Variants in UGT3A1 observed in about 807,000 individuals in gnomAD.
UGT3A1 encodes UDP glycosyltransferase family 3 member A1.
A neutral mutation model predicts 37.6 loss-of-function variants in UGT3A1; 40 were observed. The observed-to-expected ratio is 1.06, with a 90% confidence interval of 0.83 to 1.38. The LOEUF is 1.38. Ranked by LOEUF, UGT3A1 falls within the 40% of genes most tolerant of loss-of-function variation. UGT3A1 has a pLI of 0.00. For missense variants in UGT3A1, 642 were observed against 634.2 expected, an observed-to-expected ratio of 1.01 and a Z score of -0.13; for synonymous variants, 256 against 232.3, an observed-to-expected ratio of 1.10 and a Z score of -0.93.
chr5:35,959,695 C>A (rs1170537075), intron 4 of UGT3A1, among the ~76,000 whole-genome samples: 2 of 151,752 alleles, frequency 1.3e-5, no homozygotes, highest in East Asian at 3.9e-4. Context: ...TCATGTGGAT[C>A]AATATGTGCA....
rs191200641 is a variant in UGT3A1 at position 35,982,358 on chromosome 5, G to A, written c.196+6092C>T. The stretch of plus-strand genomic sequence containing the variant: ...AGGGGCTATACCTTGCAGAGCCACA[G>A]GGGCAGAGCTACCCAAGGCCTTGCA... On this transcript the variant is annotated intron_variant, in intron 2 of 6. Coordinates refer to ENST00000274278, the MANE Select transcript of UGT3A1 (RefSeq NM_152404.4). 2.2e-3 allele frequency among the ~76,000 whole-genome samples: 332 copies of A among 152,354 alleles called. 5 individuals are homozygous for A. The highest frequency in any genetic ancestry group is 0.017 in the Admixed American group (262 of 15,304).
At chr5:35,987,080 C>T (rs938308542) in intron 2 of UGT3A1, among the ~76,000 whole-genome samples, 2 of 152,102 alleles carry the variant, frequency 1.3e-5, no homozygotes, top group East Asian at 1.9e-4. Flanking sequence ...AAATACTGCG[C>T]GTGAGCACAA....
At chr5:35,955,990 T>G (rs1174338479) in intron 5 of UGT3A1, 126 bp from the exon 6 acceptor site, 1 of 987,704 alleles carries the variant, frequency 1.0e-6, no homozygotes, top group Admixed American at 2.3e-5. Context: ...ATTCACTGAT[T>G]TTGCTTGGGA....
At chr5:35,999,584 A>T (rs1741174983) in intron 1 of UGT3A1, among the ~76,000 whole-genome samples, 1 of 152,264 alleles carries the variant, frequency 6.6e-6, no homozygotes, top group Admixed American at 6.5e-5. Flanking sequence ...ATGGCATATC[A>T]GGTGCCCTTA....
At chr5:35,965,268 G>GTGCCTCCT (rs1739751513) in intron 4 of UGT3A1, 118 bp downstream of exon 4, 2 of 1,453,834 alleles carry the variant, frequency 1.4e-6, no homozygotes, top group African/African-American at 1.4e-5. Context: ...CGTGCCCTAG[G>GTGCCTCCT]TGCCTCCTTT....
upstream of UGT3A1, among the ~76,000 whole-genome samples, chr5:35,994,391 A>G (rs527694870): frequency 5.9e-5 from 8 of 135,476 alleles, no homozygotes; most frequent in Middle Eastern, 0.013. Flanking sequence ...TCTTTCCCCT[A>G]TCAGGTTTGA....
intron 2 of UGT3A1, among the ~76,000 whole-genome samples, chr5:35,972,518 T>G (rs1438307180): frequency 6.6e-6 from 1 of 151,660 alleles, no homozygotes; most frequent in East Asian, 1.9e-4. Flanking sequence ...TGTGTGTGTG[T>G]GTGTGTGTGT....
At position 35,998,996 on chromosome 5, in the gene UGT3A1, G is replaced by A. The variant is rs553537832; in HGVS notation, c.-159-1667C>T. On this transcript the variant is annotated intron_variant, in intron 1 of 5. Transcript: ENST00000625798. ...TCACGCCTGTAATCCCAGCACTTTCGGAGGCCAAGGTAGGCAGATCAGGAG... is the reference window on the plus strand; with the variant it reads ...TCACGCCTGTAATCCCAGCACTTTCAGAGGCCAAGGTAGGCAGATCAGGAG... Among the ~76,000 whole-genome samples, 10 of 152,132 alleles carry A rather than the reference G, an allele frequency of 6.6e-5. No homozygotes were observed. In the South Asian group the frequency reaches 1.2e-3, roughly 19 times the overall value.
intron 2 of UGT3A1, among the ~76,000 whole-genome samples, chr5:35,982,574 C>CT (rs1282558926): frequency 2.0e-5 from 3 of 152,208 alleles, no homozygotes; most frequent in African/African-American, 7.2e-5. Context: ...CTCATGGTAT[C>CT]TTGGAAGTAA....
At chr5:35,995,852 G>T (rs115077790), upstream of UGT3A1, among the ~76,000 whole-genome samples, 1,187 of 152,266 alleles carry the variant, frequency 7.8e-3, 15 homozygotes, top group African/African-American at 0.027. Flanking sequence ...ATTGCAGGAT[G>T]TCAGTTGATT....
chr5:35,965,703 C>T lies in UGT3A1; in HGVS notation c.526G>A (p.Gly176Arg). 1 of 1,614,118 alleles carries T rather than the reference C, an allele frequency of 6.2e-7. No homozygotes were observed. Among genetic ancestry groups the T allele is most frequent in the Non-Finnish European group, 8.5e-7 (1 of 1,180,006 alleles). Residue 176 changes from glycine to arginine, a missense_variant, in exon 4 of 7, where the codon GGG (glycine) becomes AGG (arginine). Physicochemically the swap from Gly to Arg is moderately radical, Grantham distance 125. Coordinates refer to ENST00000274278, the MANE Select transcript of UGT3A1 (RefSeq NM_152404.4). ...LPTTFGSLDF[G>R]LPSPLSYVPV... ...ACATAAGACAAGGGGCTTGGTAGCC[C>T]AAAATCCAAAGAGCCGAATGTGGTG...
Position 35,955,632 on chromosome 5 carries a change from G to A in UGT3A1, c.1295+13C>T, listed in dbSNP as rs1344772534. ...TTCAGCCTTAGTGACCACATGCTTA[G>A]AGAGCCACATACCTCTTGTCTTCTA... On this transcript the variant is annotated intron_variant, in intron 6 of 6. Coordinates refer to ENST00000274278, the MANE Select transcript of UGT3A1 (RefSeq NM_152404.4). The A allele has an allele frequency of 6.2e-7, 1 of 1,614,054 alleles. No individual in the cohort carries two copies. Among genetic ancestry groups the A allele is most frequent in the Admixed American group, 1.7e-5 (1 of 60,026 alleles).
chr5:35,995,590 G>A (rs556553043), upstream of UGT3A1, among the ~76,000 whole-genome samples: 1 of 152,238 alleles, frequency 6.6e-6, no homozygotes, highest in African/African-American at 2.4e-5. Flanking sequence ...TAAAGCTAAG[G>A]AATGGCTGGA....
chr5:35,987,001 G>C (rs947965925), intron 2 of UGT3A1, among the ~76,000 whole-genome samples: 3 of 152,012 alleles, frequency 2.0e-5, no homozygotes, highest in Non-Finnish European at 4.4e-5. Context: ...AAAAGAGTCA[G>C]AACCTCAAAT....
chr5:35,991,348 G>C lies in UGT3A1; in HGVS notation c.-108C>G. The stretch of plus-strand genomic sequence containing the variant: ...TCCAAAGGCACTGGCTGTGGGCCTA[G>C]GAAGAGGTAGGAGACGGATCCTGCC... On this transcript the variant is annotated 5_prime_UTR_variant, in exon 1 of 7. Coordinates refer to ENST00000274278, the MANE Select transcript of UGT3A1 (RefSeq NM_152404.4). 2.0e-6 allele frequency: 3 copies of C among 1,532,558 alleles called. No individual in the cohort carries two copies. Among genetic ancestry groups the C allele is most frequent in the Non-Finnish European group, 2.6e-6 (3 of 1,141,828 alleles). The allele number at this position is 1,532,558 out of a possible 1,614,324, so 94.9% of individuals were successfully genotyped here.
At chr5:35,956,924 T>C (rs1198456421) in intron 5 of UGT3A1, among the ~76,000 whole-genome samples, 1 of 152,164 alleles carries the variant, frequency 6.6e-6, no homozygotes, top group Non-Finnish European at 1.5e-5. Context: ...CATGACCACA[T>C]ACATATCACC....
intron 2 of UGT3A1, among the ~76,000 whole-genome samples, chr5:35,980,469 A>G (rs1296042506): frequency 6.6e-6 from 1 of 152,212 alleles, no homozygotes; most frequent in Non-Finnish European, 1.5e-5. Flanking sequence ...CAGAGGGGAG[A>G]GAGCTGCAGA....
chr5:35,953,813 ATTTGAAATGGAAGAT>A lies in UGT3A1; in HGVS notation c.*374_*388del. On this transcript the variant is annotated 3_prime_UTR_variant, in exon 7 of 7. Transcript: ENST00000274278. ...CAAGATATCTGCATAAAATGGAAGA[ATTTGAAATGGAAGAT>A]ATGTCAAATATTTCCTGAGTTTTTT... 1 of 185,632 alleles carries A rather than the reference ATTTGAAATGGAAGAT, an allele frequency of 5.4e-6. No homozygotes were observed. Among genetic ancestry groups the A allele is most frequent in the South Asian group, 1.3e-4 (1 of 7,810 alleles). 11.5% of individuals were successfully genotyped at this position (185,632 alleles called of 1,614,324 possible).
intron 1 of UGT3A1, among the ~76,000 whole-genome samples, chr5:36,000,698 T>C (rs115208124): frequency 1.3e-5 from 2 of 152,250 alleles, no homozygotes; most frequent in Non-Finnish European, 2.9e-5. Flanking sequence ...TACAAAGGAA[T>C]GCCTGTGTTT....
Sources: gnomAD v4.1 joint callset for allele counts (sites outside exome capture counted in the v4.1 genomes callset) on GRCh38, gnomAD v4.1.1 for gene constraint, MANE v1.5 for transcripts, NCBI Gene and HGNC (gene_info 2026-07-23, HGNC 2026-07-21) for gene names.